ZFP1: variants seen among roughly 807,000 people sequenced by gnomAD.
ZFP1 encodes ZFP1 zinc finger protein.
Under a neutral mutation model 38.5 loss-of-function variants are expected in ZFP1, and 32 were observed. The ratio of observed to expected loss-of-function variants is 0.83; its 90% confidence interval spans 0.63 to 1.12. ZFP1 has a LOEUF of 1.12. Ranked by LOEUF, ZFP1 falls within the 50% of genes most tolerant of loss-of-function variation. ZFP1 has a pLI of 0.00. For synonymous variants in ZFP1, 245 were observed against 168.8 expected (o/e 1.45, Z -3.50); for missense variants, 616 against 480.8 (o/e 1.28, Z -2.63).
the ZFP1 span, chr16:75,119,503 G>T: frequency 6.6e-6 from 1 of 151,970 alleles, no homozygotes; most frequent in African/African-American, 2.4e-5. Context: ...GTTTGAGCTC[G>T]CAACCAACAG....
rs558633273 is a variant in ZFP1 at position 75,161,457 on chromosome 16, TG to T, written c.16-5311del. 2.1e-4 allele frequency among the ~76,000 whole-genome samples: 32 copies of T among 151,852 alleles called. No individual in the cohort carries two copies. In the South Asian group the frequency reaches 6.4e-3, roughly 31 times the overall value. On this transcript the variant is annotated intron_variant, in intron 2 of 3. Coordinates refer to ENST00000570010, the MANE Select transcript of ZFP1 (RefSeq NM_153688.4). ...TGTGGCTCTCCTCATAGATGCCTTTTGGTAATTGTAGCCCTACAGTGATTGC... is the reference window on the plus strand; with the variant it reads ...TGTGGCTCTCCTCATAGATGCCTTTTGTAATTGTAGCCCTACAGTGATTGC...
At chr16:75,140,923 C>A in the ZFP1 span, among the ~76,000 whole-genome samples, 2 of 152,046 alleles carry the variant, frequency 1.3e-5, no homozygotes, top group Non-Finnish European at 2.9e-5. Flanking sequence ...CGCACCACTG[C>A]ACTCTAGCCT....
At chr16:75,127,475 C>A in the ZFP1 span, among the ~76,000 whole-genome samples, 2 of 152,122 alleles carry the variant, frequency 1.3e-5, no homozygotes, top group Non-Finnish European at 2.9e-5. Flanking sequence ...CATGTACCAC[C>A]ACGCCTGGCT....
chr16:75,168,382 A>G (rs9931007), intron 3 of ZFP1, among the ~76,000 whole-genome samples: 133,858 of 152,128 alleles, frequency 0.88, 59,058 homozygotes, highest in Middle Eastern at 0.91. Context: ...TGCCTGGAAT[A>G]TTGAGAGTAT....
chr16:75,129,910 CA>C, the ZFP1 span, among the ~76,000 whole-genome samples: 1 of 152,144 alleles, frequency 6.6e-6, no homozygotes, highest in South Asian at 2.1e-4. Flanking sequence ...AGAGTGGGAA[CA>C]AAAGGAAGGA....
rs957406268 is a variant in ZFP1, at chr16:75,166,443, C to A, written c.16-327C>A. The A allele has an allele frequency of 1.9e-5, 11 of 592,240 alleles. No homozygotes were observed. In the South Asian group the frequency reaches 6.0e-4, roughly 32 times the overall value. 36.7% of individuals were successfully genotyped at this position (592,240 alleles called of 1,614,324 possible). On this transcript the variant is annotated intron_variant, in intron 2 of 3. Transcript: ENST00000570010. ...ATTTCACCATGTTGTCCAGGCTGGTCTCGAACTCCCGACCTCAAGTGATTC... is the reference window on the plus strand; with the variant it reads ...ATTTCACCATGTTGTCCAGGCTGGTATCGAACTCCCGACCTCAAGTGATTC...
At chr16:75,136,404 G>A in the ZFP1 span, among the ~76,000 whole-genome samples, 1 of 152,182 alleles carries the variant, frequency 6.6e-6, no homozygotes, top group Non-Finnish European at 1.5e-5. Flanking sequence ...TGGAACAATA[G>A]TCAATAGTTG....
At chr16:75,131,113 C>G in the ZFP1 span, among the ~76,000 whole-genome samples, 12 of 152,194 alleles carry the variant, frequency 7.9e-5, no homozygotes, top group African/African-American at 2.9e-4. Flanking sequence ...TTGACACACG[C>G]TGTGCCCTCG....
At position 75,156,340 on chromosome 16, in the gene ZFP1, C is replaced by G. The variant is rs1041580802; in HGVS notation, c.15+3374C>G. Among the ~76,000 whole-genome samples, 8 of 152,210 alleles carry G rather than the reference C, an allele frequency of 5.3e-5. 1 individual carries two copies. Among genetic ancestry groups the G allele is most frequent in the East Asian group, 1.9e-4 (1 of 5,180 alleles). On this transcript the variant is annotated intron_variant, in intron 2 of 3. Transcript: ENST00000570010. ...GGCGTGGTAGCATGCGCCTGTAATCCCAGCTACTTCGGAGGCTAAGGCAGG... is the reference window on the plus strand; with the variant it reads ...GGCGTGGTAGCATGCGCCTGTAATCGCAGCTACTTCGGAGGCTAAGGCAGG...
At chr16:75,156,490 A>C (rs1183849717) in intron 2 of ZFP1, among the ~76,000 whole-genome samples, 1 of 150,664 alleles carries the variant, frequency 6.6e-6, no homozygotes, top group African/African-American at 2.5e-5. Flanking sequence ...AAATTTTGCT[A>C]CTGTTGGACA....
the ZFP1 span, among the ~76,000 whole-genome samples, chr16:75,135,054 C>CAA: frequency 1.1e-4 from 15 of 140,592 alleles, no homozygotes; most frequent in East Asian, 6.1e-4. Context: ...AACTCCATCT[C>CAA]AAAAAAAAAA....
chr16:75,153,026 A>T (rs2037286675), intron 2 of ZFP1, 60 bp downstream of exon 2: 1 of 1,592,540 alleles, frequency 6.3e-7, no homozygotes, highest in Admixed American at 1.8e-5. Flanking sequence ...GTTTATAAGG[A>T]TCCAGAAAAT....
In ZFP1 at chr16:75,169,764, G is replaced by A. The variant is rs1351645126; in HGVS notation, c.654G>A (p.Lys218=). 1.2e-6 allele frequency: 2 copies of A among 1,613,540 alleles called. No homozygotes were observed. Among genetic ancestry groups the A allele is most frequent in the Non-Finnish European group, 1.7e-6 (2 of 1,179,798 alleles). Residue 218 remains lysine, a synonymous_variant, in exon 4 of 4, where the codon AAG becomes AAA. Transcript: ENST00000570010. ...GEKPYECNVC[K]KTFSHKANLI... Reference sequence around the variant, plus strand: ...AGCCATATGAATGCAATGTATGTAAGAAAACCTTCTCCCATAAGGCCAACC... The same window carrying A: ...AGCCATATGAATGCAATGTATGTAAAAAAACCTTCTCCCATAAGGCCAACC...
chr16:75,158,447 G>T (rs982360495), intron 2 of ZFP1, among the ~76,000 whole-genome samples: 18 of 151,728 alleles, frequency 1.2e-4, no homozygotes, highest in African/African-American at 4.1e-4. Context: ...GCCTCAAGCA[G>T]TTCTCCCACG....
At chr16:75,160,920 C>T (rs2037740314) in intron 2 of ZFP1, among the ~76,000 whole-genome samples, 1 of 152,114 alleles carries the variant, frequency 6.6e-6, no homozygotes, top group Non-Finnish European at 1.5e-5. Context: ...ATCCAATCAC[C>T]TCTCAAAGGC....
upstream of ZFP1, among the ~76,000 whole-genome samples, chr16:75,145,595 GGCAGAGCT>G (rs1234826406): frequency 2.0e-5 from 3 of 152,282 alleles, no homozygotes; most frequent in East Asian, 5.8e-4. Context: ...GGGGCAGAGG[GGCAGAGCT>G]GCAGAGCAAG....
chr16:75,124,704 A>G, the ZFP1 span, among the ~76,000 whole-genome samples: 1 of 147,690 alleles, frequency 6.8e-6, no homozygotes, highest in Non-Finnish European at 1.5e-5. Context: ...GGAGAATGGC[A>G]TGAACCTGGG....
At chr16:75,161,201 G>T (rs2037754923) in intron 2 of ZFP1, among the ~76,000 whole-genome samples, 2 of 152,100 alleles carry the variant, frequency 1.3e-5, no homozygotes, top group Non-Finnish European at 2.9e-5. Flanking sequence ...CCGAGTAGCT[G>T]GGATTACAAG....
rs111570374 is a variant in ZFP1 at position 75,163,618 on chromosome 16, T to G, written c.16-3152T>G. ...TGGCCACTGCACCCAGCCTTTTTTT[T>G]TTGTTGTTGTTGAGACAGGGTCTTG... On this transcript the variant is annotated intron_variant, in intron 2 of 3. Transcript: ENST00000570010. Among the ~76,000 whole-genome samples, 492 of 151,352 alleles carry G rather than the reference T, an allele frequency of 3.3e-3. 4 individuals carry two copies. Among genetic ancestry groups the G allele is most frequent in the African/African-American group, 9.0e-3 (373 of 41,376 alleles).
Sources: gnomAD v4.1 joint callset for allele counts (sites outside exome capture counted in the v4.1 genomes callset) on GRCh38, gnomAD v4.1.1 for gene constraint, MANE v1.5 for transcripts, NCBI Gene and HGNC (gene_info 2026-07-23, HGNC 2026-07-21) for gene names.